The following CLASP1 variants were observed in gnomAD, a reference collection of about 807,000 sequenced individuals.
CLASP1 encodes cytoplasmic linker associated protein 1.
CLASP1 carries 38 observed loss-of-function variants against 192.3 expected under a neutral mutation model. That is an observed-to-expected ratio of 0.20 (90% CI 0.15 to 0.26). The LOEUF (loss-of-function observed/expected upper bound fraction) is 0.26, where lower values mean the gene tolerates loss of function less well. Ranked by LOEUF, CLASP1 falls within the 10% of genes least tolerant of loss-of-function variation. CLASP1 has a pLI of 1.00. For missense variants in CLASP1, 1,433 were observed against 1,932.5 expected (o/e 0.74, Z 4.85); for synonymous variants, 691 against 712.8 (o/e 0.97, Z 0.49).
In CLASP1 at chr2:121,425,100, A is replaced by C. The variant is rs1574648363; in HGVS notation, c.2212+39T>G. On this transcript the variant is annotated intron_variant, in intron 22 of 39. Coordinates refer to ENST00000263710, the Ensembl canonical transcript of CLASP1. ...TAGATTATAATCAAAACTATGACCAAGCTGGGAATGGTATTCCAAGATCTT... is the reference window on the plus strand; with the variant it reads ...TAGATTATAATCAAAACTATGACCACGCTGGGAATGGTATTCCAAGATCTT... The C allele has an allele frequency of 1.2e-5, 18 of 1,562,710 alleles. No homozygotes were observed. The East Asian group carries it at 4.1e-4, about 36-fold the overall frequency.
intron 1 of CLASP1, among the ~76,000 whole-genome samples, chr2:121,618,924 C>T (rs1162242148): frequency 1.3e-5 from 2 of 152,164 alleles, no homozygotes; most frequent in African/African-American, 2.4e-5. Context: ...GAAATCTATA[C>T]AAGTCATCTC....
chr2:121,441,624 TGACA>T (rs769513503), intron 19 of CLASP1, among the ~76,000 whole-genome samples: 19 of 151,672 alleles, frequency 1.3e-4, no homozygotes, highest in Non-Finnish European at 1.9e-4. Flanking sequence ...CCAGCTACTC[TGACA>T]GACAGGGTGG....
intron 6 of CLASP1, among the ~76,000 whole-genome samples, chr2:121,522,244 G>A (rs914329974): frequency 6.6e-6 from 1 of 152,166 alleles, no homozygotes; most frequent in African/African-American, 2.4e-5. Flanking sequence ...TGTAAATCCT[G>A]TCTACTACAG....
chr2:121,463,889 C>T (rs1321169194), intron 9 of CLASP1, among the ~76,000 whole-genome samples: 1 of 151,796 alleles, frequency 6.6e-6, no homozygotes, highest in Non-Finnish European at 1.5e-5. Flanking sequence ...TACATGTGCA[C>T]AATGTGCCGG....
chr2:121,402,116 T>G (rs914022275), intron 26 of CLASP1, among the ~76,000 whole-genome samples: 5 of 152,220 alleles, frequency 3.3e-5, no homozygotes, highest in Non-Finnish European at 5.9e-5. Context: ...GCCCTAATTC[T>G]ATAGTATTCT....
intron 8 of CLASP1, among the ~76,000 whole-genome samples, chr2:121,482,852 T>C (rs2092695842): frequency 6.6e-6 from 1 of 152,150 alleles, no homozygotes; most frequent in Non-Finnish European, 1.5e-5. Context: ...GGACCATCAT[T>C]TCCAGACATA....
chr2:121,500,344 AAAAGAAAGAAAGAAAGAAAGAAAGAAAG>A lies in CLASP1; in HGVS notation c.712+2795_712+2822del, dbSNP rs201022141. On this transcript the variant is annotated intron_variant, in intron 8 of 39. Coordinates refer to ENST00000263710, the Ensembl canonical transcript of CLASP1. ...AGGAAGAGAAAGAAGGAAAGAAAGA[AAAAGAAAGAAAGAAAGAAAGAAAGAAAG>A]AAAGAAAGAAAGAAAGAAAGAAAGA... 3.6e-4 allele frequency among the ~76,000 whole-genome samples: 43 copies of A among 119,308 alleles called. 1 individual carries two copies. The highest frequency in any genetic ancestry group is 1.0e-3 in the African/African-American group (32 of 31,436). The allele number at this position is 119,308 out of a possible 152,430, so 78.3% of individuals were successfully genotyped here.
At chr2:121,506,504 G>C (rs527314744) in intron 7 of CLASP1, among the ~76,000 whole-genome samples, 11 of 152,104 alleles carry the variant, frequency 7.2e-5, no homozygotes, top group Admixed American at 3.9e-4. Context: ...AAAAAAAGGT[G>C]GGGGGAAGGA....
At chr2:121,382,380 G>T in intron 32 of CLASP1, 56 bp from the exon 34 acceptor site, 2 of 1,124,718 alleles carry the variant, frequency 1.8e-6, no homozygotes, top group Non-Finnish European at 1.3e-6. Context: ...CAAAGGGGAG[G>T]GGAGGAGGAA....
rs754701086 is a variant in CLASP1 at position 121,430,146 on chromosome 2, C to T, written c.1944G>A (p.Gly648=). The T allele has an allele frequency of 4.4e-6, 7 of 1,574,360 alleles. No individual in the cohort carries two copies. The South Asian group carries it at 5.9e-5, about 13-fold the overall frequency. Residue 648 remains glycine (G), a synonymous_variant, in exon 20 of 40, where the codon GGG becomes GGA. Transcript: ENST00000263710. ...GTGTAGAGGCGACGTTGGTGGCACT[C>T]CCAGAGCTTTGCCGTCTTGTGCGGA...
chr2:121,457,758 C>T lies in CLASP1; in HGVS notation c.1315-1G>A. ...GTATTAACCTAGGGATGTGTGTGTG[C>T]TGTGAAGAACAACAAAAAACAGAGG... is the stretch of plus-strand genomic sequence containing the variant. On this transcript the variant is annotated splice_acceptor_variant, in intron 13 of 39. Coordinates refer to ENST00000263710, the Ensembl canonical transcript of CLASP1. LOFTEE classifies it high-confidence loss of function. 6.2e-7 allele frequency: 1 copy of T among 1,608,818 alleles called. No individual in the cohort carries two copies. Among genetic ancestry groups the T allele is most frequent in the Non-Finnish European group, 8.5e-7 (1 of 1,177,288 alleles).
intron 2 of CLASP1, among the ~76,000 whole-genome samples, chr2:121,596,714 T>G (rs918718263): frequency 3.9e-5 from 6 of 152,140 alleles, no homozygotes; most frequent in Non-Finnish European, 8.8e-5. Flanking sequence ...CACCTTTTGG[T>G]TCTTCATAAC....
chr2:121,559,444 A>G (rs1559612652), intron 2 of CLASP1, among the ~76,000 whole-genome samples: 1 of 152,190 alleles, frequency 6.6e-6, no homozygotes, highest in Non-Finnish European at 1.5e-5. Flanking sequence ...ACAACATAAT[A>G]TCCAACAACT....
In CLASP1 at chr2:121,530,984, T is replaced by G. The variant is rs143596327; in HGVS notation, c.196-659A>C. 3 of 700,432 alleles carry G rather than the reference T, an allele frequency of 4.3e-6. No individual in the cohort carries two copies. In the South Asian group the frequency reaches 4.4e-5, roughly 10 times the overall value. 43.4% of individuals were successfully genotyped at this position (700,432 alleles called of 1,614,324 possible). On this transcript the variant is annotated intron_variant, in intron 2 of 39. Transcript: ENST00000263710. ...CCCGCATCAACTAGAGCTTTTGCTT[T>G]ATTTTGGTGCAATTTTTGGAAAAAT...
At chr2:121,531,130 TTC>T (rs1275387647) in intron 2 of CLASP1, 10 of 620,304 alleles carry the variant, frequency 1.6e-5, no homozygotes, top group Non-Finnish European at 2.6e-5. Flanking sequence ...GCAAGTAAAG[TTC>T]TTTCAGTTTT....
chr2:121,474,000 A>C (rs2091216534), intron 8 of CLASP1, among the ~76,000 whole-genome samples: 1 of 152,222 alleles, frequency 6.6e-6, no homozygotes, highest in Non-Finnish European at 1.5e-5. Flanking sequence ...TTAGATAAAG[A>C]AATAAAGAAC....
At chr2:121,480,737 C>A (rs1327275130) in intron 8 of CLASP1, among the ~76,000 whole-genome samples, 4 of 152,230 alleles carry the variant, frequency 2.6e-5, no homozygotes, top group Non-Finnish European at 5.9e-5. Context: ...CTCCCCCACT[C>A]TCAGAGTGAT....
At chr2:121,628,502 C>T (rs897280140) in intron 1 of CLASP1, among the ~76,000 whole-genome samples, 2 of 151,662 alleles carry the variant, frequency 1.3e-5, no homozygotes, top group Non-Finnish European at 2.9e-5. Context: ...ATGGTGAAAC[C>T]CCATCTCTAC....
intron 6 of CLASP1, among the ~76,000 whole-genome samples, chr2:121,519,766 A>C (rs2094414651): frequency 6.6e-6 from 1 of 152,234 alleles, no homozygotes; most frequent in Non-Finnish European, 1.5e-5. Context: ...TTAGGGGTCT[A>C]AACTATTCTT....
Sources: gnomAD v4.1 joint callset for allele counts (sites outside exome capture counted in the v4.1 genomes callset) on GRCh38, gnomAD v4.1.1 for gene constraint, MANE v1.5 for transcripts, NCBI Gene and HGNC (gene_info 2026-07-23, HGNC 2026-07-21) for gene names.